PDE4D: variants seen among roughly 807,000 people sequenced by gnomAD.
PDE4D encodes the protein 3',5'-cyclic-AMP phosphodiesterase 4D.
A neutral mutation model predicts 87.4 loss-of-function variants in PDE4D; 24 were observed. The ratio of observed to expected loss-of-function variants is 0.27; its 90% CI spans 0.20 to 0.39. The LOEUF is 0.39. PDE4D is among the 10% of genes least tolerant of loss of function. The pLI is 1.00. For synonymous variants in PDE4D, 384 were observed against 383.2 expected (o/e 1.00, Z -0.02); for missense variants, 714 against 1,041.0 (o/e 0.69, Z 4.32).
chr5:59,650,808 T>C (rs538615823), intron 1 of PDE4D, among the ~76,000 whole-genome samples: 2 of 152,190 alleles, frequency 1.3e-5, no homozygotes, highest in East Asian at 3.9e-4. Flanking sequence ...TTCTCCATAA[T>C]TTGATGTTTT....
intron 1 of PDE4D, among the ~76,000 whole-genome samples, chr5:59,787,439 C>A (rs552663564): frequency 6.6e-6 from 1 of 152,312 alleles, no homozygotes; most frequent in African/African-American, 2.4e-5. Flanking sequence ...ACCTCTCAAA[C>A]AGAAGGAATC....
chr5:60,304,302 C>T (rs1754228721), intron 1 of PDE4D, among the ~76,000 whole-genome samples: 1 of 152,078 alleles, frequency 6.6e-6, no homozygotes, highest in Admixed American at 6.5e-5. Flanking sequence ...CGTAAAGCCA[C>T]ATGTTCCAAA....
intron 2 of PDE4D, among the ~76,000 whole-genome samples, chr5:60,084,648 T>G (rs1282842621): frequency 6.6e-6 from 1 of 152,210 alleles, no homozygotes; most frequent in Non-Finnish European, 1.5e-5. Flanking sequence ...TAAATCAATG[T>G]TCCAAACACG....
intron 1 of PDE4D, among the ~76,000 whole-genome samples, chr5:59,471,926 AT>A (rs1582765192): frequency 6.6e-6 from 1 of 152,318 alleles, no homozygotes; most frequent in East Asian, 1.9e-4. Context: ...ATATAAAAAA[AT>A]TAAACTGTAC....
At chr5:60,262,437 C>T (rs1379864376) in intron 1 of PDE4D, 1 of 152,110 alleles carries the variant, frequency 6.6e-6, no homozygotes, top group Admixed American at 6.6e-5. Context: ...TTCTGAGCCT[C>T]GGCTTCTTCC....
intron 1 of PDE4D, among the ~76,000 whole-genome samples, chr5:59,342,362 C>T (rs555670746): frequency 2.6e-5 from 4 of 152,212 alleles, no homozygotes; most frequent in Non-Finnish European, 5.9e-5. Flanking sequence ...TGATCTGTAT[C>T]GTTTCCCCTA....
chr5:60,053,300 G>C (rs1206609501), intron 2 of PDE4D, among the ~76,000 whole-genome samples: 1 of 152,094 alleles, frequency 6.6e-6, no homozygotes, highest in African/African-American at 2.4e-5. Flanking sequence ...ATACTGCAAG[G>C]CTACAGTAAC....
chr5:60,105,071 A>G (rs1776721385), intron 2 of PDE4D, among the ~76,000 whole-genome samples: 1 of 152,222 alleles, frequency 6.6e-6, no homozygotes, highest in African/African-American at 2.4e-5. Flanking sequence ...TCCGAGCTTC[A>G]GGAGAAAATT....
At chr5:59,174,418 T>C (rs1354006911) in intron 5 of PDE4D, 1 of 152,630 alleles carries the variant, frequency 6.6e-6, no homozygotes, top group East Asian at 1.9e-4. Context: ...TGTCACTGCA[T>C]CATGTGTCTC....
intron 5 of PDE4D, chr5:59,166,459 G>A (rs754393646): frequency 1.1e-4 from 17 of 152,148 alleles, no homozygotes; most frequent in Admixed American, 8.5e-4. Flanking sequence ...ACTGTCTTGA[G>A]GTTGGCTGAG....
At chr5:60,318,562 G>T (rs1755872313) in intron 1 of PDE4D, among the ~76,000 whole-genome samples, 1 of 152,148 alleles carries the variant, frequency 6.6e-6, no homozygotes, top group African/African-American at 2.4e-5. Flanking sequence ...GTTAGTTGAT[G>T]CAGTTTCTTC....
chr5:60,068,372 T>A (rs1331267752), intron 2 of PDE4D, among the ~76,000 whole-genome samples: 5 of 152,166 alleles, frequency 3.3e-5, no homozygotes, highest in Admixed American at 2.0e-4. Context: ...GTATGTCTTC[T>A]TTGAAGAAAT....
chr5:59,137,150 C>A (rs1777193887), intron 5 of PDE4D, among the ~76,000 whole-genome samples: 1 of 152,198 alleles, frequency 6.6e-6, no homozygotes, highest in Non-Finnish European at 1.5e-5. Flanking sequence ...GCCAAAGAGT[C>A]CTCCTCACTT....
chr5:60,275,548 G>A (rs1751274224), intron 1 of PDE4D, among the ~76,000 whole-genome samples: 1 of 150,780 alleles, frequency 6.6e-6, no homozygotes, highest in Non-Finnish European at 1.5e-5. Context: ...AATTTAATAG[G>A]GTATTGGCAT....
chr5:59,668,845 GGAAGAAGAAGAA>G (rs1208323931), intron 1 of PDE4D, among the ~76,000 whole-genome samples: 1,203 of 61,986 alleles, frequency 0.019, 15 homozygotes, highest in South Asian at 0.028. Context: ...AAGAGGAAGA[GGAAGAAGAAGAA>G]GAAGAAGAAG....
intron 2 of PDE4D, among the ~76,000 whole-genome samples, chr5:60,047,785 G>C (rs1022673578): frequency 6.6e-5 from 10 of 152,018 alleles, no homozygotes; most frequent in East Asian, 5.8e-4. Context: ...TTACTTCCAA[G>C]TATGTGGTCA....
intron 1 of PDE4D, among the ~76,000 whole-genome samples, chr5:60,498,895 C>T (rs1488098664): frequency 6.6e-6 from 1 of 152,146 alleles, no homozygotes; most frequent in African/African-American, 2.4e-5. Context: ...CAAGGGCTAC[C>T]TATCCCATCT....
intron 2 of PDE4D, among the ~76,000 whole-genome samples, chr5:60,034,478 C>T (rs943051145): frequency 2.0e-5 from 3 of 152,142 alleles, no homozygotes; most frequent in African/African-American, 4.8e-5. Context: ...TGTCACATTG[C>T]CTTCTTCTGC....
At chr5:59,005,902 AT>A (rs1439643318) in intron 6 of PDE4D, among the ~76,000 whole-genome samples, 3 of 152,162 alleles carry the variant, frequency 2.0e-5, no homozygotes, top group Admixed American at 6.6e-5. Flanking sequence ...CTAGGAGTGG[AT>A]TTGTTTATCC....
Sources: allele counts gnomAD v4.1 joint callset (sites outside exome capture counted in the v4.1 genomes callset), GRCh38; gene constraint gnomAD v4.1.1; transcripts MANE v1.5; gene names NCBI Gene and HGNC (gene_info 2026-07-23, HGNC 2026-07-21).